Variants in ALOX5 observed in about 807,000 individuals in gnomAD.
ALOX5 encodes the protein polyunsaturated fatty acid 5-lipoxygenase.
A neutral mutation model predicts 87.9 loss-of-function variants in ALOX5; 64 were observed. The observed-to-expected ratio is 0.73, with a 90% CI of 0.60 to 0.90. The LOEUF (loss-of-function observed/expected upper bound fraction) is 0.90. Among genes scored for constraint, ALOX5 ranks in the 40% least tolerant of loss-of-function variants. The pLI, the probability that ALOX5 is intolerant of heterozygous loss-of-function variation, is 0.00. For missense variants in ALOX5, 822 were observed against 907.5 expected (o/e 0.91, Z 1.21); for synonymous variants, 388 against 355.1 (o/e 1.09, Z -1.04).
At chr10:45,375,947 G>C (rs2132661203) in intron 1 of ALOX5, among the ~76,000 whole-genome samples, 1 of 152,326 alleles carries the variant, frequency 6.6e-6, no homozygotes, top group East Asian at 1.9e-4. Flanking sequence ...ATTATTTCAT[G>C]GATTCCCCAC....
At chr10:45,422,107 A>G (rs1036127559) in intron 4 of ALOX5, among the ~76,000 whole-genome samples, 2 of 152,144 alleles carry the variant, frequency 1.3e-5, no homozygotes, top group African/African-American at 4.8e-5. Flanking sequence ...ATGCACCCCT[A>G]GACCTGGCAG....
intron 3 of ALOX5, among the ~76,000 whole-genome samples, chr10:45,408,105 G>C (rs1840944633): frequency 6.6e-6 from 1 of 151,626 alleles, no homozygotes; most frequent in South Asian, 2.1e-4. Context: ...CTCTCCTTTT[G>C]GAGCTTTTAC....
intron 3 of ALOX5, among the ~76,000 whole-genome samples, chr10:45,405,865 A>G (rs538333715): frequency 2.9e-4 from 44 of 151,970 alleles, no homozygotes; most frequent in Non-Finnish European, 5.1e-4. Flanking sequence ...CAGCCTCCCA[A>G]GTAGCTGGGG....
chr10:45,381,185 G>A (rs1035746868), intron 1 of ALOX5, among the ~76,000 whole-genome samples: 2 of 152,224 alleles, frequency 1.3e-5, no homozygotes. Flanking sequence ...GGGCAGCTGC[G>A]CTGTACACAG....
chr10:45,422,043 G>A (rs1418976764), intron 4 of ALOX5, among the ~76,000 whole-genome samples: 1 of 152,162 alleles, frequency 6.6e-6, no homozygotes, highest in African/African-American at 2.4e-5. Context: ...GGACAAAGGA[G>A]AGAAGCATTT....
chr10:45,374,982 C>G (rs1460016094), intron 1 of ALOX5, among the ~76,000 whole-genome samples: 1 of 152,156 alleles, frequency 6.6e-6, no homozygotes, highest in South Asian at 2.1e-4. Flanking sequence ...CTCACTCTAC[C>G]GTCTGTCTGG....
At chr10:45,393,383 G>A (rs1840367508) in intron 2 of ALOX5, among the ~76,000 whole-genome samples, 1 of 152,096 alleles carries the variant, frequency 6.6e-6, no homozygotes, top group African/African-American at 2.4e-5. Context: ...TGCAGAAAAG[G>A]CCTTTGACAA....
intron 1 of ALOX5, 51 bp downstream of exon 1, chr10:45,374,480 C>G (rs1379443615): frequency 6.9e-7 from 1 of 1,448,180 alleles, no homozygotes; most frequent in South Asian, 1.4e-5. Flanking sequence ...GCGTCCGGGA[C>G]CCGGTTTGGA....
chr10:45,374,503 G>C (rs1839512083), intron 1 of ALOX5, 74 bp downstream of exon 1: 1 of 1,338,858 alleles, frequency 7.5e-7, no homozygotes, highest in Admixed American at 3.7e-5. Context: ...GCAGAGGCCT[G>C]GGCGGGGGCG....
chr10:45,387,028 T>C (rs1216874128), intron 2 of ALOX5, among the ~76,000 whole-genome samples: 2 of 152,192 alleles, frequency 1.3e-5, no homozygotes, highest in Non-Finnish European at 2.9e-5. Context: ...ATAATGATCA[T>C]TGTTCCCATC....
intron 1 of ALOX5, among the ~76,000 whole-genome samples, chr10:45,380,477 G>A (rs568717210): frequency 2.6e-5 from 4 of 152,328 alleles, no homozygotes; most frequent in Admixed American, 2.0e-4. Context: ...TTCCTCTTAG[G>A]AAGCCCTCCA....
chr10:45,385,428 C>T (rs1839976585), intron 2 of ALOX5, among the ~76,000 whole-genome samples: 1 of 152,240 alleles, frequency 6.6e-6, no homozygotes, highest in Admixed American at 6.5e-5. Context: ...CAGGCTTTCT[C>T]ATCCTGCTGT....
chr10:45,381,642 C>T (rs1181716475), intron 1 of ALOX5, among the ~76,000 whole-genome samples: 1 of 152,224 alleles, frequency 6.6e-6, no homozygotes, highest in Non-Finnish European at 1.5e-5. Flanking sequence ...TGGGCACAGC[C>T]TCGCAGGTGC....
At chr10:45,395,053 C>T (rs571813835) in intron 2 of ALOX5, among the ~76,000 whole-genome samples, 11 of 152,332 alleles carry the variant, frequency 7.2e-5, no homozygotes, top group Admixed American at 7.2e-4. Flanking sequence ...TGTGGCAATT[C>T]CTCAGGGATC....
chr10:45,414,119 C>T (rs1048643514), intron 4 of ALOX5, among the ~76,000 whole-genome samples: 9 of 152,180 alleles, frequency 5.9e-5, no homozygotes, highest in African/African-American at 1.9e-4. Flanking sequence ...AAAAAGAGCC[C>T]GCATTGCCAA....
chr10:45,390,962 A>G (rs915660072), intron 2 of ALOX5, among the ~76,000 whole-genome samples: 7 of 151,220 alleles, frequency 4.6e-5, no homozygotes, highest in Non-Finnish European at 1.0e-4. Flanking sequence ...AATAAAGAAG[A>G]AAAGAGAAGA....
At chr10:45,407,043 C>T (rs1364553354) in intron 3 of ALOX5, among the ~76,000 whole-genome samples, 1 of 152,098 alleles carries the variant, frequency 6.6e-6, no homozygotes, top group Non-Finnish European at 1.5e-5. Context: ...CAATTAATTT[C>T]CTCAGAAGGT....
intron 4 of ALOX5, among the ~76,000 whole-genome samples, chr10:45,423,612 C>T (rs543260257): frequency 1.1e-4 from 16 of 152,312 alleles, no homozygotes; most frequent in African/African-American, 3.6e-4. Context: ...GCACCAAACA[C>T]GGAGCCATTT....
intron 13 of ALOX5, 164 bp downstream of exon 13, chr10:45,444,450 C>T (rs779482785): frequency 5.2e-6 from 5 of 963,876 alleles, no homozygotes; most frequent in Non-Finnish European, 4.4e-6. Flanking sequence ...CCAGGTCCCC[C>T]GGCCTCAGCC....
Sources: gnomAD v4.1 joint callset for allele counts (sites outside exome capture counted in the v4.1 genomes callset) on GRCh38, gnomAD v4.1.1 for gene constraint, MANE v1.5 for transcripts, NCBI Gene and HGNC (gene_info 2026-07-23, HGNC 2026-07-21) for gene names.